The following AGO3 variants were observed in gnomAD, a reference collection of about 807,000 sequenced individuals.
AGO3 encodes the protein protein argonaute-3.
A neutral mutation model predicts 105.5 loss-of-function variants in AGO3; 16 were observed. The ratio of observed to expected loss-of-function variants is 0.15; its 90% CI spans 0.10 to 0.23. The LOEUF is 0.23. AGO3 is among the 10% of genes least tolerant of loss of function. AGO3 has a pLI of 1.00. For missense variants in AGO3, 534 were observed against 1,088.0 expected (o/e 0.49, Z 7.16); for synonymous variants, 340 against 367.3 (o/e 0.93, Z 0.85).
rs544204508 is a variant in AGO3, at chr1:36,024,897, C to G, written c.1407-2217C>G. ...AACTGAAGCATCGTATTCCTTCTAT[C>G]TCCCTGGCCTTTTTAACCTGTTTCC... On this transcript the variant is annotated intron_variant, in intron 11 of 18. Coordinates refer to ENST00000373191, the MANE Select transcript of AGO3 (RefSeq NM_024852.4). Among the ~76,000 whole-genome samples, 29 of 152,210 alleles carry G rather than the reference C, an allele frequency of 1.9e-4. No individual in the cohort carries two copies. In the South Asian group the frequency reaches 5.8e-3, roughly 30 times the overall value.
chr1:36,030,413 A>C (rs1296394121), intron 12 of AGO3, among the ~76,000 whole-genome samples: 1 of 151,822 alleles, frequency 6.6e-6, no homozygotes, highest in Non-Finnish European at 1.5e-5. Flanking sequence ...TGAGATAGGA[A>C]GATCACTTGA....
chr1:35,931,315 C>A lies in AGO3; in HGVS notation c.-112C>A. 9.6e-7 allele frequency: 1 copy of A among 1,044,612 alleles called. No individual in the cohort carries two copies. The highest frequency in any genetic ancestry group is 1.3e-6 in the Non-Finnish European group (1 of 775,356). The allele number at this position is 1,044,612 out of a possible 1,614,324, so 64.7% of individuals were successfully genotyped here. ...GGGGAAGCCGTCGCCGCCCCCGCCT[C>A]GGGGCCGAGTGAGAGTGCCCGTCGC... On this transcript the variant is annotated 5_prime_UTR_variant, in exon 1 of 19. Transcript: ENST00000373191.
intron 11 of AGO3, among the ~76,000 whole-genome samples, chr1:36,023,936 CTTCAG>C (rs1641366229): frequency 1.3e-5 from 2 of 152,154 alleles, no homozygotes; most frequent in Admixed American, 6.6e-5. Flanking sequence ...GTGCAAAAAT[CTTCAG>C]TTCAGTTTCT....
chr1:35,978,936 A>G (rs1361425528), intron 5 of AGO3, among the ~76,000 whole-genome samples: 1 of 152,170 alleles, frequency 6.6e-6, no homozygotes, highest in Non-Finnish European at 1.5e-5. Flanking sequence ...ATTATTTTCT[A>G]GAAACTCCAC....
In AGO3 at chr1:36,057,338, T is replaced by TA. The variant is rs1553173442; in HGVS notation, c.*1593_*1594insA. 348 of 151,532 alleles carry TA rather than the reference T, an allele frequency of 2.3e-3. 2 individuals are homozygous for TA. Among genetic ancestry groups the TA allele is most frequent in the African/African-American group, 7.9e-3 (326 of 41,362 alleles). 9.4% of individuals were successfully genotyped at this position (151,532 alleles called of 1,614,324 possible). On this transcript the variant is annotated 3_prime_UTR_variant, in exon 19 of 19. Coordinates refer to ENST00000373191, the MANE Select transcript of AGO3 (RefSeq NM_024852.4). ...CCTTAATGTGATTTTCATATATTTT[T>TA]TATATATATATATGTATGTGTGTGT...
At chr1:35,967,403 AT>A (rs869286286) in intron 3 of AGO3, among the ~76,000 whole-genome samples, 2 of 102,200 alleles carry the variant, frequency 2.0e-5, no homozygotes, top group African/African-American at 9.8e-5. Context: ...ATTAATATTT[AT>A]TTTATTTTAT....
chr1:35,935,852 T>A (rs368173597), intron 1 of AGO3, among the ~76,000 whole-genome samples: 1 of 152,354 alleles, frequency 6.6e-6, no homozygotes, highest in East Asian at 1.9e-4. Flanking sequence ...TATCTTATAG[T>A]ACTTAAAACT....
chr1:35,941,317 C>G (rs138252735), intron 1 of AGO3, among the ~76,000 whole-genome samples: 63 of 152,172 alleles, frequency 4.1e-4, no homozygotes, highest in African/African-American at 1.5e-3. Context: ...CATTATCTTT[C>G]ACCTAGACAG....
intron 5 of AGO3, among the ~76,000 whole-genome samples, chr1:36,003,303 A>G (rs887883617): frequency 2.0e-5 from 3 of 152,018 alleles, no homozygotes; most frequent in Non-Finnish European, 4.4e-5. Context: ...CATTGGTGAA[A>G]CTCTTCTAGT....
intron 5 of AGO3, among the ~76,000 whole-genome samples, chr1:35,995,357 C>T (rs1648224695): frequency 6.6e-6 from 1 of 151,602 alleles, no homozygotes; most frequent in East Asian, 1.9e-4. Flanking sequence ...TTTATACTAC[C>T]TGTGTTCAAG....
At chr1:35,980,321 A>G (rs1438544644) in intron 5 of AGO3, among the ~76,000 whole-genome samples, 1 of 152,226 alleles carries the variant, frequency 6.6e-6, no homozygotes, top group Non-Finnish European at 1.5e-5. Context: ...CATGAGGTGC[A>G]GTCATTGAGC....
rs149864052 is a variant in AGO3 at position 36,036,228 on chromosome 1, T to A, written c.1803T>A (p.His601Gln). ...PVIFLGADVTHPPAGDGKKPS... is the reference protein window; with the variant it reads ...PVIFLGADVTQPPAGDGKKPS... ...TCTTTTTGGGAGCCGATGTCACTCA[T>A]CCACCTGCTGGTGATGGAAAGAAGC... Residue 601 changes from histidine to glutamine, a missense_variant, in exon 14 of 19, where the codon CAT becomes CAA. His to Gln is a conservative substitution (Grantham distance 24, BLOSUM62 0). Coordinates refer to ENST00000373191, the MANE Select transcript of AGO3 (RefSeq NM_024852.4). 1.9e-6 allele frequency: 3 copies of A among 1,614,034 alleles called. No individual in the cohort carries two copies. The highest frequency in any genetic ancestry group is 2.5e-6 in the Non-Finnish European group (3 of 1,180,000).
intron 17 of AGO3, among the ~76,000 whole-genome samples, chr1:36,045,109 T>G (rs1034854775): frequency 6.6e-6 from 1 of 152,202 alleles, no homozygotes; most frequent in African/African-American, 2.4e-5. Context: ...TGTTGTACAT[T>G]TTCAGGGTTG....
At chr1:35,940,823 A>G (rs905524355) in intron 1 of AGO3, among the ~76,000 whole-genome samples, 1 of 151,932 alleles carries the variant, frequency 6.6e-6, no homozygotes, top group African/African-American at 2.4e-5. Flanking sequence ...TCCTCCTCCA[A>G]CCTTGTTGGC....
chr1:36,034,164 TA>T lies in AGO3; in HGVS notation c.1592-9del. The stretch of plus-strand genomic sequence containing the variant: ...TTTTTCTGACTAGAGGTTTTGCATC[TA>T]TTCCATAGCGGAAGTGAAACGTGTA... On this transcript the variant is annotated splice_polypyrimidine_tract_variant and intron_variant, in intron 12 of 18. Coordinates refer to ENST00000373191, the MANE Select transcript of AGO3 (RefSeq NM_024852.4). 2 of 1,519,260 alleles carry T rather than the reference TA, an allele frequency of 1.3e-6. No homozygotes were observed. The highest frequency in any genetic ancestry group is 1.8e-6 in the Non-Finnish European group (2 of 1,133,820). The allele number at this position is 1,519,260 out of a possible 1,614,324, so 94.1% of individuals were successfully genotyped here.
chr1:36,045,774 C>T (rs759667373), intron 17 of AGO3, among the ~76,000 whole-genome samples: 8 of 152,114 alleles, frequency 5.3e-5, no homozygotes, highest in Non-Finnish European at 1.2e-4. Flanking sequence ...AACTCCTGAC[C>T]TCCGGCGATC....
intron 5 of AGO3, among the ~76,000 whole-genome samples, chr1:35,981,408 A>C (rs139280497): frequency 6.6e-6 from 1 of 151,742 alleles, no homozygotes; most frequent in African/African-American, 2.4e-5. Flanking sequence ...GTTCTGGTGG[A>C]CTCTTTCTTC....
At position 35,945,685 on chromosome 1, in the gene AGO3, C is replaced by T. The variant is rs1237663958; in HGVS notation, c.20-7C>T. 6 of 1,607,326 alleles carry T rather than the reference C, an allele frequency of 3.7e-6. No homozygotes were observed. In the South Asian group the frequency reaches 5.5e-5, roughly 15 times the overall value. ...GTGACTCTTTTTTTTTCCCTTTCCC[C>T]TGGCAGGACCCGCTGGGGCCCAGCC... On this transcript the variant is annotated splice_polypyrimidine_tract_variant and splice_region_variant and intron_variant, in intron 1 of 18. Coordinates refer to ENST00000373191, the MANE Select transcript of AGO3 (RefSeq NM_024852.4).
chr1:35,959,542 T>C (rs1190761801), intron 2 of AGO3, among the ~76,000 whole-genome samples: 1 of 152,200 alleles, frequency 6.6e-6, no homozygotes, highest in Non-Finnish European at 1.5e-5. Context: ...CCAAGCACTG[T>C]TTTAGAAGTT....
Sources: allele counts gnomAD v4.1 joint callset (sites outside exome capture counted in the v4.1 genomes callset), GRCh38; gene constraint gnomAD v4.1.1; transcripts MANE v1.5; gene names NCBI Gene and HGNC (gene_info 2026-07-23, HGNC 2026-07-21).